The following E2F2 variants were observed in gnomAD, a reference collection of about 807,000 sequenced individuals.
E2F2 encodes the protein transcription factor E2F2.
A neutral mutation model predicts 42.2 loss-of-function variants in E2F2; 22 were observed. That is an observed-to-expected ratio of 0.52 (90% CI 0.37 to 0.74). The LOEUF (loss-of-function observed/expected upper bound fraction) is 0.74, where lower values mean the gene tolerates loss of function less well. E2F2 is among the 30% of genes least tolerant of loss of function. E2F2 has a pLI of 0.00. For missense variants in E2F2, 481 were observed against 557.8 expected (o/e 0.86, Z 1.39); for synonymous variants, 248 against 251.6 (o/e 0.99, Z 0.13).
chr1:23,529,373 A>G (rs1039758244), intron 1 of E2F2, among the ~76,000 whole-genome samples: 1 of 152,192 alleles, frequency 6.6e-6, no homozygotes, highest in Non-Finnish European at 1.5e-5. Context: ...GAACATGGGC[A>G]AAGCCTGAGT....
At chr1:23,519,655 C>A (rs981232984) in intron 4 of E2F2, among the ~76,000 whole-genome samples, 1 of 152,170 alleles carries the variant, frequency 6.6e-6, no homozygotes, top group Non-Finnish European at 1.5e-5. Context: ...TTCGGCCGAA[C>A]GCGGCGGCTC....
intron 3 of E2F2, 138 bp from the exon 4 acceptor site, chr1:23,521,209 G>A (rs1358719470): frequency 1.9e-6 from 2 of 1,079,856 alleles, no homozygotes; most frequent in Non-Finnish European, 2.5e-6. Context: ...AGCTACCAGG[G>A]ATTGGAACCA....
In E2F2 at chr1:23,506,695, G is replaced by A. The variant is rs1242171239; in HGVS notation, c.*3185C>T. The A allele has an allele frequency of 1.6e-4, 25 of 152,262 alleles. No individual in the cohort carries two copies. Among genetic ancestry groups the A allele is most frequent in the Admixed American group, 1.6e-3 (25 of 15,274 alleles). 9.4% of individuals were successfully genotyped at this position (152,262 alleles called of 1,614,324 possible). ...GATCCTCGTGGGAGAATAGGGTTCT[G>A]GGACCTCAGGATACAATCACAAGAA... On this transcript the variant is annotated 3_prime_UTR_variant, in exon 7 of 7. Coordinates refer to ENST00000361729, the MANE Select transcript of E2F2 (RefSeq NM_004091.4).
intron 6 of E2F2, 97 bp downstream of exon 6, chr1:23,516,238 G>A: frequency 7.3e-7 from 1 of 1,372,484 alleles, no homozygotes; most frequent in Non-Finnish European, 9.4e-7. Context: ...CCCAGCTGCT[G>A]GATAAAACAG....
chr1:23,522,017 G>A lies in E2F2; in HGVS notation c.398C>T (p.Ser133Leu), dbSNP rs778670474. Reference sequence around the variant, plus strand: ...GAACTTCTTGGTGAGCAGCCCCAGCGAAGTGTCATACCGAGTCTTCTCCCC... The same window carrying A: ...GAACTTCTTGGTGAGCAGCCCCAGCAAAGTGTCATACCGAGTCTTCTCCCC... Reference protein sequence around the residue: ...SPGEKTRYDTSLGLLTKKFIY... With the variant: ...SPGEKTRYDTLLGLLTKKFIY... Residue 133 changes from serine (S) to leucine (L), a missense_variant, in exon 3 of 7, where the codon TCG (serine) becomes TTG (leucine). Physicochemically the swap from Ser to Leu is moderately radical, Grantham distance 145. Transcript: ENST00000361729. 1.9e-6 allele frequency: 3 copies of A among 1,614,182 alleles called. No individual in the cohort carries two copies. Among genetic ancestry groups the A allele is most frequent in the East Asian group, 2.2e-5 (1 of 44,888 alleles).
chr1:23,530,835 C>T lies in E2F2; in HGVS notation c.-42G>A, dbSNP rs1368147679. 4 of 1,436,210 alleles carry T rather than the reference C, an allele frequency of 2.8e-6. No individual in the cohort carries two copies. In the Admixed American group the frequency reaches 1.1e-4, roughly 41 times the overall value. The allele number at this position is 1,436,210 out of a possible 1,614,324, so 89.0% of individuals were successfully genotyped here. A position where few individuals can be genotyped will look rare whatever the true frequency, so the allele number is the denominator to read the frequency against. On this transcript the variant is annotated 5_prime_UTR_variant, in exon 1 of 7. Transcript: ENST00000361729. The surrounding 1 kb of genome is among the most constrained non-coding windows in gnomAD (Gnocchi z 4.4). Reference sequence around the variant, plus strand: ...CCTACCCAAAAGGGCTTGGCGCGCCCGCGGACACCTGCGGGTTCCGGTGCT... The same window carrying T: ...CCTACCCAAAAGGGCTTGGCGCGCCTGCGGACACCTGCGGGTTCCGGTGCT...
At chr1:23,529,032 G>C (rs1643295104) in intron 1 of E2F2, among the ~76,000 whole-genome samples, 1 of 152,114 alleles carries the variant, frequency 6.6e-6, no homozygotes, top group African/African-American at 2.4e-5. Context: ...GGGGAACATA[G>C]GGAGACCCCT....
intron 6 of E2F2, among the ~76,000 whole-genome samples, chr1:23,511,089 C>A (rs1022968858): frequency 6.6e-6 from 1 of 152,104 alleles, no homozygotes; most frequent in Admixed American, 6.6e-5. Context: ...CTCTCTTCAA[C>A]TCACTCCAGT....
At chr1:23,513,171 C>T (rs1009533065) in intron 6 of E2F2, among the ~76,000 whole-genome samples, 1 of 151,044 alleles carries the variant, frequency 6.6e-6, no homozygotes, top group Admixed American at 6.6e-5. Context: ...TTCTATAACC[C>T]ATTCAATATT....
chr1:23,523,978 G>A (rs1334845485), intron 2 of E2F2, among the ~76,000 whole-genome samples: 2 of 152,010 alleles, frequency 1.3e-5, no homozygotes, highest in East Asian at 3.9e-4. Context: ...GGAGGCTGAG[G>A]TGAGAGAGTT....
At position 23,514,468 on chromosome 1, in the gene E2F2, T is replaced by A. The variant is rs914829638; in HGVS notation, c.1045+1867A>T. Among the ~76,000 whole-genome samples the A allele has an allele frequency of 5.3e-5, 8 of 152,234 alleles. 1 individual carries two copies. Among genetic ancestry groups the A allele is most frequent in the African/African-American group, 1.7e-4 (7 of 41,538 alleles). ...TCTGCCATCAACTTGCTGTGTGACC[T>A]TAGGGAAGCCACTTGCCCTCTCTGG... On this transcript the variant is annotated intron_variant, in intron 6 of 6. Coordinates refer to ENST00000361729, the MANE Select transcript of E2F2 (RefSeq NM_004091.4).
chr1:23,513,507 T>C (rs1419163988), intron 6 of E2F2, among the ~76,000 whole-genome samples: 1 of 151,792 alleles, frequency 6.6e-6, no homozygotes, highest in Non-Finnish European at 1.5e-5. Context: ...CTCTCTTACA[T>C]GGCTTCTGGC....
At chr1:23,521,701 C>T in intron 3 of E2F2, 136 bp downstream of exon 3, 1 of 1,468,402 alleles carries the variant, frequency 6.8e-7, no homozygotes, top group Non-Finnish European at 9.0e-7. Flanking sequence ...TGCTCTTGGT[C>T]CGCCTCAGCC....
intron 1 of E2F2, among the ~76,000 whole-genome samples, chr1:23,529,634 G>C (rs1479468860): frequency 1.3e-5 from 2 of 152,218 alleles, no homozygotes; most frequent in Non-Finnish European, 2.9e-5. Flanking sequence ...CAGCCACCCT[G>C]TGCACACACG....
In E2F2 at chr1:23,509,872, A is replaced by G. The variant is rs2075993; in HGVS notation, c.*8T>C. ...CGGGGGCAGGCTGCTGGGGGCAGGC[A>G]GGGCCACTCAATTAATCAACAGGTC... On this transcript the variant is annotated 3_prime_UTR_variant, in exon 7 of 7. Transcript: ENST00000361729. 0.48 allele frequency: 734,926 copies of G among 1,524,892 alleles called. 184,801 individuals are homozygous for G. Among genetic ancestry groups the G allele is most frequent in the East Asian group, 0.6 (24,963 of 41,494 alleles). The allele number at this position is 1,524,892 out of a possible 1,614,324, so 94.5% of individuals were successfully genotyped here. A position where few individuals can be genotyped will look rare whatever the true frequency, so the allele number is the denominator to read the frequency against.
chr1:23,520,820 C>G, intron 4 of E2F2, 93 bp downstream of exon 4: 1 of 1,312,306 alleles, frequency 7.6e-7, no homozygotes, highest in Non-Finnish European at 1.0e-6. Flanking sequence ...AGATGCCAGA[C>G]CCTTAGGGTA....
rs1438719653 is a variant in E2F2, at chr1:23,516,400, C to T, written c.980G>A (p.Ser327Asn). 1 of 1,596,354 alleles carries T rather than the reference C, an allele frequency of 6.3e-7. No homozygotes were observed. Among genetic ancestry groups the T allele is most frequent in the South Asian group, 1.1e-5 (1 of 88,386 alleles). ...PLPSTSTLCP[S>N]PDSAQPSSST... is the part of the protein sequence containing the mutation. ...GCTGCTGGGCTGGGCAGAGTCAGGGCTGGGGCAGAGGGTGGAGGTAGAGGG... is the reference window on the plus strand; with the variant it reads ...GCTGCTGGGCTGGGCAGAGTCAGGGTTGGGGCAGAGGGTGGAGGTAGAGGG... Residue 327 changes from serine to asparagine, a missense_variant, in exon 6 of 7, where the codon AGC (serine) becomes AAC (asparagine). Coordinates refer to ENST00000361729, the MANE Select transcript of E2F2 (RefSeq NM_004091.4).
At chr1:23,524,098 C>CAA (rs1243545997) in intron 2 of E2F2, among the ~76,000 whole-genome samples, 8 of 128,658 alleles carry the variant, frequency 6.2e-5, no homozygotes, top group African/African-American at 2.6e-4. Flanking sequence ...ACAACAACAA[C>CAA]AACAACAAAA....
chr1:23,513,566 G>A (rs1642955444), intron 6 of E2F2, among the ~76,000 whole-genome samples: 1 of 40,358 alleles, frequency 2.5e-5, no homozygotes, highest in Non-Finnish European at 6.1e-5. Flanking sequence ...CGGAACATGT[G>A]TGTGTGTGTG....
Sources: allele counts gnomAD v4.1 joint callset (sites outside exome capture counted in the v4.1 genomes callset), GRCh38; gene constraint gnomAD v4.1.1; non-coding constraint Gnocchi (gnomAD v3.1); transcripts MANE v1.5; gene names NCBI Gene and HGNC (gene_info 2026-07-23, HGNC 2026-07-21).